GRK4: variants seen among roughly 807,000 people sequenced by gnomAD.
The protein encoded by GRK4 is G protein-coupled receptor kinase 4.
Under a neutral mutation model 77.9 loss-of-function variants are expected in GRK4, and 73 were observed. The observed-to-expected ratio is 0.94, with a 90% CI of 0.78 to 1.14. GRK4 has a LOEUF of 1.14. GRK4 is among the 50% of genes most tolerant of loss of function. The probability of loss-of-function intolerance (pLI) is 0.00; values close to 1 mark genes in which losing one functional copy is unlikely to be tolerated. For synonymous variants in GRK4, 257 were observed against 254.4 expected, an observed-to-expected ratio of 1.01 and a Z score of -0.10; for missense variants, 729 against 700.2, an observed-to-expected ratio of 1.04 and a Z score of -0.46.
At chr4:2,987,098 A>G (rs1405723867) in intron 2 of GRK4, 1 of 516,434 alleles carries the variant, frequency 1.9e-6, no homozygotes, top group African/African-American at 1.9e-5. Flanking sequence ...ACACCCATTG[A>G]TAGCCACTCC....
intron 7 of GRK4, among the ~76,000 whole-genome samples, chr4:3,010,942 C>T (rs1281359282): frequency 6.6e-6 from 1 of 152,150 alleles, no homozygotes; most frequent in Non-Finnish European, 1.5e-5. Flanking sequence ...ACAGTACTGT[C>T]CCTCTGGTAC....
At chr4:2,994,220 C>T (rs1421431766) in intron 4 of GRK4, among the ~76,000 whole-genome samples, 1 of 152,066 alleles carries the variant, frequency 6.6e-6, no homozygotes, top group African/African-American at 2.4e-5. Flanking sequence ...TTATTTTTTT[C>T]CCTTTTTTGA....
chr4:2,965,901 T>G (rs1001312581), intron 1 of GRK4: 13 of 192,326 alleles, frequency 6.8e-5, no homozygotes, highest in African/African-American at 2.6e-4. Context: ...TCATGGAAAA[T>G]AATCATCCTT....
intron 13 of GRK4, among the ~76,000 whole-genome samples, chr4:3,036,991 T>A (rs535432957): frequency 1.3e-4 from 20 of 152,180 alleles, no homozygotes; most frequent in African/African-American, 4.6e-4. Context: ...CCCTGACCTC[T>A]GTTTGCAATC....
chr4:3,037,449 G>A lies in GRK4; in HGVS notation c.1483G>A (p.Ala495Thr), dbSNP rs35463176. The change falls in exon 14 of 16, where the codon GCA becomes ACA. Residue 495 changes from alanine to threonine, a missense_variant. By Grantham distance (58) the Ala-to-Thr change is moderately conservative (BLOSUM62 0). Transcript: ENST00000398052. ...SVVKGIYLDT[A>T]DEDFYARFAT... Reference sequence around the variant, plus strand: ...GGTGAAAGGGATCTACCTGGACACCGCAGATGAAGACTTCTATGCTCGGTT... The same window carrying A: ...GGTGAAAGGGATCTACCTGGACACCACAGATGAAGACTTCTATGCTCGGTT... The A allele has an allele frequency of 3.5e-4, 564 of 1,612,050 alleles. 4 individuals are homozygous for A. The East Asian group carries it at 4.4e-3, about 13-fold the overall frequency.
intron 7 of GRK4, among the ~76,000 whole-genome samples, chr4:3,011,803 C>T (rs560242610): frequency 2.0e-5 from 3 of 152,200 alleles, no homozygotes; most frequent in Non-Finnish European, 4.4e-5. Flanking sequence ...GTAATTCTTT[C>T]GCTTATGCTT....
At chr4:2,989,176 G>C (rs751890872) in intron 3 of GRK4, among the ~76,000 whole-genome samples, 2 of 151,846 alleles carry the variant, frequency 1.3e-5, no homozygotes, top group Non-Finnish European at 2.9e-5. Flanking sequence ...GCAAGACTCC[G>C]TCTCAAAAAA....
In GRK4 at chr4:2,969,162, T is replaced by A. The variant is rs1490827121; in HGVS notation, c.52+5040T>A. On this transcript the variant is annotated intron_variant, in intron 1 of 15. Transcript: ENST00000398052. ...GAGGAGATCAGAGAGATGCTGAAGG[T>A]AGAAGACACTGGATAGAGGAGCGAT... 3 of 152,322 alleles carry A rather than the reference T, an allele frequency of 2.0e-5. No homozygotes were observed. In the East Asian group the frequency reaches 5.8e-4, roughly 29 times the overall value. The allele number at this position is 152,322 out of a possible 1,614,324, so 9.4% of individuals were successfully genotyped here. A position where few individuals can be genotyped will look rare whatever the true frequency, so the allele number is the denominator to read the frequency against.
rs1339264185 is a variant in GRK4, at chr4:3,009,648, G to A, written c.537G>A (p.Arg179=). The A allele has an allele frequency of 6.2e-7, 1 of 1,612,720 alleles. No individual in the cohort carries two copies. Among genetic ancestry groups the A allele is most frequent in the Non-Finnish European group, 8.5e-7 (1 of 1,179,100 alleles). The part of the protein sequence containing the change: ...SQFLQWKWLE[R]QPVTKNTFRH... The stretch of plus-strand genomic sequence containing the variant: ...GAAACTTGTTTTTCTCATTGATTAG[G>A]CAACCCGTAACAAAGAACACATTTA... Residue 179 remains arginine, a splice_region_variant and synonymous_variant, in exon 7 of 16, where the codon AGG becomes AGA. Transcript: ENST00000398052.
At chr4:2,975,098 A>C (rs1720716571) in intron 1 of GRK4, among the ~76,000 whole-genome samples, 1 of 152,134 alleles carries the variant, frequency 6.6e-6, no homozygotes, top group Non-Finnish European at 1.5e-5. Context: ...AGGTCAGGAG[A>C]TCGAGACCAT....
chr4:3,007,930 G>A, intron 6 of GRK4, 102 bp downstream of exon 6: 1 of 760,604 alleles, frequency 1.3e-6, no homozygotes, highest in South Asian at 1.8e-5. Context: ...TTAAGCCCAA[G>A]ACTTCAAGGC....
chr4:3,040,464 A>C (rs553279448), intron 15 of GRK4, 108 bp from the exon 16 acceptor site: 36 of 746,162 alleles, frequency 4.8e-5, no homozygotes, highest in South Asian at 7.7e-5. Flanking sequence ...ATAAATAAAA[A>C]ATAAAAAAGC....
chr4:3,016,178 G>T (rs1201480344), intron 8 of GRK4, among the ~76,000 whole-genome samples: 2 of 149,324 alleles, frequency 1.3e-5, no homozygotes, highest in Non-Finnish European at 3.0e-5. Context: ...AGAATGCTGG[G>T]GATTACAGGT....
intron 2 of GRK4, chr4:2,985,731 G>A (rs1275057933): frequency 1.8e-5 from 6 of 325,300 alleles, no homozygotes; most frequent in African/African-American, 1.1e-4. Flanking sequence ...GGGTGTGGTG[G>A]CTCACGCCCG....
intron 15 of GRK4, among the ~76,000 whole-genome samples, chr4:3,040,008 A>C (rs989825913): frequency 1.3e-5 from 2 of 152,216 alleles, no homozygotes; most frequent in Non-Finnish European, 2.9e-5. Context: ...AGGCAGCCAG[A>C]GACCCTGTGA....
chr4:2,983,590 G>A (rs2109554027), intron 1 of GRK4, among the ~76,000 whole-genome samples: 1 of 152,272 alleles, frequency 6.6e-6, no homozygotes, highest in South Asian at 2.1e-4. Context: ...CCTGTAGGGA[G>A]GTCTTCTCTG....
chr4:3,002,890 GGTGTGTGT>G lies in GRK4; in HGVS notation c.340-1338_340-1331del, dbSNP rs1402773058. ...TGAGGAAAAAGAAACTATCTGAAGA[GGTGTGTGT>G]GTTTGATTTTTAATTTTAATTGTGA... On this transcript the variant is annotated intron_variant, in intron 4 of 15. Transcript: ENST00000398052. Among the ~76,000 whole-genome samples the G allele has an allele frequency of 7.2e-5, 11 of 152,200 alleles. No individual in the cohort carries two copies. The South Asian group carries it at 2.3e-3, about 32-fold the overall frequency.
intron 1 of GRK4, among the ~76,000 whole-genome samples, 182 bp downstream of exon 1, chr4:2,964,304 G>A (rs1431716600): frequency 6.6e-6 from 1 of 152,058 alleles, no homozygotes; most frequent in Non-Finnish European, 1.5e-5. Flanking sequence ...GTGCAGTGTG[G>A]TCAGGCTGCC....
chr4:3,000,616 G>T, intron 4 of GRK4, among the ~76,000 whole-genome samples: 1 of 151,064 alleles, frequency 6.6e-6, no homozygotes, highest in Non-Finnish European at 1.5e-5. Context: ...CCAGGCTGGA[G>T]TGCAGTGGCA....
Sources: gnomAD v4.1 joint callset for allele counts (sites outside exome capture counted in the v4.1 genomes callset) on GRCh38, gnomAD v4.1.1 for gene constraint, MANE v1.5 for transcripts, NCBI Gene and HGNC (gene_info 2026-07-23, HGNC 2026-07-21) for gene names.